The following RBP4 variants were observed in gnomAD, a reference collection of about 807,000 sequenced individuals.
The protein encoded by RBP4 is retinol-binding protein 4.
In RBP4, 9 loss-of-function variants were observed where a neutral mutation model predicts 26.2. The ratio of observed to expected loss-of-function variants is 0.34; its 90% CI spans 0.21 to 0.60. RBP4 has a LOEUF of 0.60. Among genes scored for constraint, RBP4 ranks in the 20% least tolerant of loss-of-function variants. RBP4 has a pLI of 0.80. For missense variants in RBP4, 244 were observed against 271.3 expected (o/e 0.90, Z 0.71); for synonymous variants, 114 against 111.0 (o/e 1.03, Z -0.17).
At chr10:93,597,952 A>T (rs565892210) in intron 4 of RBP4, among the ~76,000 whole-genome samples, 1 of 152,346 alleles carries the variant, frequency 6.6e-6, no homozygotes, top group African/African-American at 2.4e-5. Flanking sequence ...CAAAACAAGC[A>T]TGTAAAACAG....
intron 4 of RBP4, among the ~76,000 whole-genome samples, chr10:93,597,377 T>G (rs1268700177): frequency 3.9e-5 from 6 of 152,360 alleles, no homozygotes; most frequent in Admixed American, 2.6e-4. Flanking sequence ...ATGATATAAC[T>G]AATATTTATT....
chr10:93,601,704 TGGAATAATTC>T (rs1406556944), upstream of RBP4: 2 of 779,104 alleles, frequency 2.6e-6, no homozygotes, highest in South Asian at 2.7e-5. Flanking sequence ...GCAGGAATTT[TGGAATAATTC>T]ATCCAAGTAG....
Position 93,600,807 on chromosome 10 carries a change from T to C in RBP4, c.112-4A>G, listed in dbSNP as rs777072387. 3 of 1,596,114 alleles carry C rather than the reference T, an allele frequency of 1.9e-6. No homozygotes were observed. The African/African-American group carries it at 4.3e-5, about 23-fold the overall frequency. On this transcript the variant is annotated splice_region_variant and splice_polypyrimidine_tract_variant and intron_variant, in intron 2 of 5. Coordinates refer to ENST00000371464, the MANE Select transcript of RBP4 (RefSeq NM_006744.4). ...TGGCGTACCAGGTCCCAGAGAACTG[T>C]GAGAAGGATGACAGCAGGGGTTTGG... is the stretch of plus-strand genomic sequence containing the variant.
At position 93,591,804 on chromosome 10, in the gene RBP4, AG is replaced by A. The variant is rs1589682869; in HGVS notation, c.*270del. The A allele has an allele frequency of 2.1e-6, 1 of 475,302 alleles. No homozygotes were observed. Among genetic ancestry groups the A allele is most frequent in the African/African-American group, 1.9e-5 (1 of 51,386 alleles). 29.4% of individuals were successfully genotyped at this position (475,302 alleles called of 1,614,324 possible). A position where few individuals can be genotyped will look rare whatever the true frequency, so the allele number is the denominator to read the frequency against. ...AAGCGCACCCCACCCATCCGTCTGC[AG>A]CACAGACATAAACACAAATGAAAAC... On this transcript the variant is annotated 3_prime_UTR_variant, in exon 6 of 6. Transcript: ENST00000371464.
intron 4 of RBP4, among the ~76,000 whole-genome samples, chr10:93,596,827 C>T (rs1369039598): frequency 6.6e-6 from 1 of 152,214 alleles, no homozygotes; most frequent in African/African-American, 2.4e-5. Context: ...CTCCCTAAAC[C>T]TGCATGCTCC....
At position 93,601,207 on chromosome 10, in the gene RBP4, A is replaced by C. The variant is rs10882283; in HGVS notation, c.-55T>G. 490,728 of 1,312,070 alleles carry C rather than the reference A, an allele frequency of 0.37. 94,145 individuals carry two copies. The highest frequency in any genetic ancestry group is 0.46 in the Middle Eastern group (1,564 of 3,412). The allele number at this position is 1,312,070 out of a possible 1,614,324, so 81.3% of individuals were successfully genotyped here. A position where few individuals can be genotyped will look rare whatever the true frequency, so the allele number is the denominator to read the frequency against. On this transcript the variant is annotated 5_prime_UTR_variant, in exon 1 of 6. Coordinates refer to ENST00000371464, the MANE Select transcript of RBP4 (RefSeq NM_006744.4). The stretch of plus-strand genomic sequence containing the variant: ...GAACCGCGCGCAAGCCTGGCCGCCG[A>C]GTCCGGGCGCGCGTGGAGCGAGGGA...
chr10:93,600,957 C>T lies in RBP4; in HGVS notation c.72G>A (p.Val24=), dbSNP rs764172344. 3.7e-6 allele frequency: 6 copies of T among 1,612,408 alleles called. No homozygotes were observed. The highest frequency in any genetic ancestry group is 3.4e-6 in the Non-Finnish European group (4 of 1,179,764). ...AGTTCTCCTTGACTCGGAAGCTGCT[C>T]ACTCGGCAGTCGCGCTCCGCGCGGC... The part of the protein sequence containing the change: ...GSGRAERDCR[V]SSFRVKENFD... The change falls in exon 2 of 6, where the codon GTG becomes GTA. Residue 24 remains valine, a synonymous_variant. Transcript: ENST00000371464.
chr10:93,601,670 G>C (rs562762715), upstream of RBP4: 6 of 778,884 alleles, frequency 7.7e-6, no homozygotes, highest in African/African-American at 8.4e-5. Context: ...TGGCGCCTCC[G>C]TCTGCCTTCT....
At chr10:93,600,354 C>T (rs1283345337) in intron 4 of RBP4, 39 bp downstream of exon 4, 1 of 1,565,910 alleles carries the variant, frequency 6.4e-7, no homozygotes, top group Non-Finnish European at 8.8e-7. Context: ...CCGGTAGGCG[C>T]CCCATTCCCA....
intron 4 of RBP4, among the ~76,000 whole-genome samples, chr10:93,597,184 G>C (rs745722758): frequency 6.6e-6 from 1 of 152,186 alleles, no homozygotes; most frequent in African/African-American, 2.4e-5. Context: ...AAGCACCCTA[G>C]TGTATTTAGA....
In RBP4 at chr10:93,592,013, A is replaced by G; in HGVS notation, c.*62T>C. On this transcript the variant is annotated 3_prime_UTR_variant, in exon 6 of 6. Transcript: ENST00000371464. ...AAGGGCAAATTAAACTCCTAAGATAAATAGAGCTGAAGACTGAGAGCTAAT... is the reference window on the plus strand; with the variant it reads ...AAGGGCAAATTAAACTCCTAAGATAGATAGAGCTGAAGACTGAGAGCTAAT... 1.4e-6 allele frequency: 2 copies of G among 1,395,724 alleles called. No homozygotes were observed. Among genetic ancestry groups the G allele is most frequent in the Non-Finnish European group, 2.0e-6 (2 of 981,368 alleles). The allele number at this position is 1,395,724 out of a possible 1,614,324, so 86.5% of individuals were successfully genotyped here.
upstream of RBP4, chr10:93,601,423 A>G (rs1007021381): frequency 6.3e-6 from 8 of 1,269,566 alleles, no homozygotes; most frequent in Non-Finnish European, 8.2e-6. Flanking sequence ...AGCCTCGGGC[A>G]CAGTGGAGCG....
chr10:93,596,679 C>T (rs1173996314), intron 4 of RBP4, among the ~76,000 whole-genome samples: 1 of 152,218 alleles, frequency 6.6e-6, no homozygotes, highest in Non-Finnish European at 1.5e-5. Flanking sequence ...ACTGTACCTA[C>T]ACAGACTGGT....
intron 4 of RBP4, among the ~76,000 whole-genome samples, chr10:93,599,214 A>G (rs1172022689): frequency 7.9e-5 from 12 of 151,938 alleles, no homozygotes. Flanking sequence ...GCGCCACTGC[A>G]CTCCAGCCTG....
chr10:93,601,088 C>CGG, intron 1 of RBP4, 42 bp from the exon 2 acceptor site: 1 of 1,586,766 alleles, frequency 6.3e-7, no homozygotes, highest in Non-Finnish European at 8.5e-7. Flanking sequence ...CAGCCGACCC[C>CGG]CGCCGCCGTA....
At chr10:93,592,963 G>T (rs777040569) in intron 5 of RBP4, among the ~76,000 whole-genome samples, 1 of 152,014 alleles carries the variant, frequency 6.6e-6, no homozygotes, top group Non-Finnish European at 1.5e-5. Flanking sequence ...GATTACAGGC[G>T]CATGCCACCA....
intron 4 of RBP4, among the ~76,000 whole-genome samples, chr10:93,594,722 G>A (rs1226433418): frequency 6.6e-6 from 1 of 152,244 alleles, no homozygotes; most frequent in East Asian, 1.9e-4. Flanking sequence ...CACAGAGGCA[G>A]AGCTGAGCCA....
chr10:93,600,372 C>A (rs1764709881), intron 4 of RBP4, 21 bp downstream of exon 4: 1 of 1,604,658 alleles, frequency 6.2e-7, no homozygotes, highest in Admixed American at 1.7e-5. Flanking sequence ...CCAAGACAGT[C>A]CCACAGAGCT....
At position 93,600,659 on chromosome 10, in the gene RBP4, C is replaced by T; in HGVS notation, c.248+8G>A. 1 of 1,612,006 alleles carries T rather than the reference C, an allele frequency of 6.2e-7. No homozygotes were observed. Among genetic ancestry groups the T allele is most frequent in the Non-Finnish European group, 8.5e-7 (1 of 1,179,226 alleles). ...GCAAAGGGCGCAGCTGCCCCGGCGG[C>T]CACTGACTTCAAAAGACGGACTCGG... On this transcript the variant is annotated splice_region_variant and intron_variant, in intron 3 of 5. Coordinates refer to ENST00000371464, the MANE Select transcript of RBP4 (RefSeq NM_006744.4).
Sources: gnomAD v4.1 joint callset for allele counts (sites outside exome capture counted in the v4.1 genomes callset) on GRCh38, gnomAD v4.1.1 for gene constraint, MANE v1.5 for transcripts, NCBI Gene and HGNC (gene_info 2026-07-23, HGNC 2026-07-21) for gene names.